The following TMEM170B variants were observed in gnomAD, a reference collection of about 807,000 sequenced individuals.
TMEM170B encodes the protein transmembrane protein 170B.
In TMEM170B, 6 loss-of-function variants were observed where a neutral mutation model predicts 13.0. The ratio of observed to expected loss-of-function variants is 0.46; its 90% CI spans 0.25 to 0.91. The LOEUF is 0.91. Among genes scored for constraint, TMEM170B ranks in the 40% least tolerant of loss-of-function variants. The pLI is 0.17. For missense variants in TMEM170B, 138 were observed against 165.2 expected (o/e 0.84, Z 0.90); for synonymous variants, 61 against 64.9 (o/e 0.94, Z 0.29).
intron 1 of TMEM170B, among the ~76,000 whole-genome samples, chr6:11,559,007 A>C (rs1461569616): frequency 2.6e-5 from 4 of 152,072 alleles, no homozygotes; most frequent in African/African-American, 9.7e-5. Flanking sequence ...AAATATTAAT[A>C]TTTTTGGCTT....
intron 1 of TMEM170B, among the ~76,000 whole-genome samples, chr6:11,542,626 A>G (rs934901300): frequency 2.0e-5 from 3 of 152,212 alleles, no homozygotes; most frequent in African/African-American, 7.2e-5. Context: ...GGTAGAGTGT[A>G]CCACGTTAGG....
chr6:11,548,234 C>T (rs1346651248), intron 1 of TMEM170B, among the ~76,000 whole-genome samples: 4 of 152,010 alleles, frequency 2.6e-5, no homozygotes, highest in Non-Finnish European at 5.9e-5. Flanking sequence ...AACAAATTTA[C>T]AAGAAAAAAA....
At chr6:11,545,280 C>CTCTGTGTGTGTGTGTGTGTGTG (rs1442789332) in intron 1 of TMEM170B, among the ~76,000 whole-genome samples, 28 of 139,814 alleles carry the variant, frequency 2.0e-4, no homozygotes, top group South Asian at 5.0e-4. Context: ...CTCTCTCTCT[C>CTCTGTGTGTGTGTGTGTGTGTG]TGTGTGTGTG....
chr6:11,538,907 C>A (rs1369218264), intron 1 of TMEM170B, among the ~76,000 whole-genome samples: 1 of 152,192 alleles, frequency 6.6e-6, no homozygotes, highest in Admixed American at 6.5e-5. Flanking sequence ...GGGTCAGGGG[C>A]TGAGCTAAGG....
chr6:11,545,161 C>G (rs1464532475), intron 1 of TMEM170B, among the ~76,000 whole-genome samples: 1 of 151,950 alleles, frequency 6.6e-6, no homozygotes, highest in African/African-American at 2.4e-5. Flanking sequence ...TCAGGCTGGT[C>G]TCTCTGTGTC....
At chr6:11,550,142 ATT>A (rs1382351158) in intron 1 of TMEM170B, among the ~76,000 whole-genome samples, 1 of 149,654 alleles carries the variant, frequency 6.7e-6, no homozygotes, top group Non-Finnish European at 1.5e-5. Flanking sequence ...CCTGCCTCTA[ATT>A]TTTTTCATAA....
intron 1 of TMEM170B, among the ~76,000 whole-genome samples, chr6:11,543,538 C>T (rs1374503200): frequency 6.6e-6 from 1 of 152,068 alleles, no homozygotes; most frequent in Non-Finnish European, 1.5e-5. Context: ...GATACTGAAG[C>T]AAAGAGTAAC....
intron 2 of TMEM170B, among the ~76,000 whole-genome samples, chr6:11,568,129 A>C (rs1004590065): frequency 1.3e-5 from 2 of 152,192 alleles, no homozygotes; most frequent in Non-Finnish European, 2.9e-5. Context: ...GAAAGAAAGA[A>C]GAGGGGATAG....
At chr6:11,562,880 TG>T (rs1398851822) in intron 1 of TMEM170B, among the ~76,000 whole-genome samples, 14 of 152,248 alleles carry the variant, frequency 9.2e-5, no homozygotes, top group Non-Finnish European at 2.1e-4. Flanking sequence ...TCACTCATGT[TG>T]CTTTTTAATA....
intron 1 of TMEM170B, among the ~76,000 whole-genome samples, chr6:11,550,874 GAT>G (rs1438939150): frequency 1.3e-5 from 2 of 152,134 alleles, no homozygotes; most frequent in Non-Finnish European, 2.9e-5. Context: ...GAGATACAAA[GAT>G]AAATACATAG....
intron 2 of TMEM170B, among the ~76,000 whole-genome samples, chr6:11,570,429 A>AG (rs1296891716): frequency 6.6e-6 from 1 of 152,188 alleles, no homozygotes; most frequent in East Asian, 1.9e-4. Context: ...AAGGCAGAAG[A>AG]GTAAAATACA....
At chr6:11,563,620 T>C (rs1020755904) in intron 1 of TMEM170B, among the ~76,000 whole-genome samples, 2 of 152,186 alleles carry the variant, frequency 1.3e-5, no homozygotes, top group African/African-American at 4.8e-5. Flanking sequence ...GAACAGCTCA[T>C]AGAACGCAAG....
chr6:11,547,294 C>T (rs1759452773), intron 1 of TMEM170B, among the ~76,000 whole-genome samples: 1 of 152,184 alleles, frequency 6.6e-6, no homozygotes. Context: ...TAGTCAGCAC[C>T]TTCCTTCAAT....
At position 11,580,818 on chromosome 6, in the gene TMEM170B, C is replaced by G. The variant is rs1243304480; in HGVS notation, c.*5257C>G. The G allele has an allele frequency of 1.3e-5, 2 of 152,200 alleles. No individual in the cohort carries two copies. Among genetic ancestry groups the G allele is most frequent in the African/African-American group, 4.8e-5 (2 of 41,448 alleles). 9.4% of individuals were successfully genotyped at this position (152,200 alleles called of 1,614,324 possible). A position where few individuals can be genotyped will look rare whatever the true frequency, so the allele number is the denominator to read the frequency against. ...TGTTTTGTTAGGACTAGAAACTATA[C>G]TGGATGAGTATGTATACTGCATGTT... On this transcript the variant is annotated 3_prime_UTR_variant, in exon 3 of 3. Transcript: ENST00000379426.
chr6:11,555,178 T>C (rs907693057), intron 1 of TMEM170B, among the ~76,000 whole-genome samples: 1 of 152,168 alleles, frequency 6.6e-6, no homozygotes, highest in African/African-American at 2.4e-5. Flanking sequence ...TTATAGTTTT[T>C]TTTTCCCCTT....
Position 11,565,768 on chromosome 6 carries a change from G to C in TMEM170B, c.200G>C (p.Gly67Ala). The C allele has an allele frequency of 6.2e-7, 1 of 1,614,180 alleles. No individual in the cohort carries two copies. The highest frequency in any genetic ancestry group is 8.5e-7 in the Non-Finnish European group (1 of 1,180,010). ...MFVMLQRHRQ[G>A]RVISVIAVSI... ...GTGATGCTGCAGAGGCATAGGCAGG[G>C]AAGAGTCATCTCTGTCATTGCAGTC... Residue 67 changes from glycine to alanine, a missense_variant, in exon 2 of 3, where the codon GGA becomes GCA. Transcript: ENST00000379426.
intron 1 of TMEM170B, among the ~76,000 whole-genome samples, chr6:11,545,471 A>C (rs190467292): frequency 1.3e-5 from 2 of 152,120 alleles, no homozygotes; most frequent in Non-Finnish European, 1.5e-5. Context: ...ACCTCATGTG[A>C]TGATGGTCCC....
At chr6:11,538,896 T>A (rs1307087623) in intron 1 of TMEM170B, among the ~76,000 whole-genome samples, 1 of 152,242 alleles carries the variant, frequency 6.6e-6, no homozygotes, top group Non-Finnish European at 1.5e-5. Flanking sequence ...TAAATTATAG[T>A]GGGTCAGGGG....
In TMEM170B at chr6:11,580,780, G is replaced by T. The variant is rs969606349; in HGVS notation, c.*5219G>T. On this transcript the variant is annotated 3_prime_UTR_variant, in exon 3 of 3. Transcript: ENST00000379426. ...AAAACAAAAACATATTTGACAAAGC[G>T]CCCTACATCCTGTGTTTTGTTAGGA... is the stretch of plus-strand genomic sequence containing the variant. 1.3e-5 allele frequency: 2 copies of T among 152,182 alleles called. No individual in the cohort carries two copies. The highest frequency in any genetic ancestry group is 2.1e-4 in the South Asian group (1 of 4,834). 9.4% of individuals were successfully genotyped at this position (152,182 alleles called of 1,614,324 possible). A position where few individuals can be genotyped will look rare whatever the true frequency, so the allele number is the denominator to read the frequency against.
Sources: gnomAD v4.1 joint callset for allele counts (sites outside exome capture counted in the v4.1 genomes callset) on GRCh38, gnomAD v4.1.1 for gene constraint, MANE v1.5 for transcripts, NCBI Gene and HGNC (gene_info 2026-07-23, HGNC 2026-07-21) for gene names.